The following NTM variants were observed in gnomAD, a reference collection of about 807,000 sequenced individuals.
NTM encodes the protein neurotrimin.
In NTM, 13 loss-of-function variants were observed where a neutral mutation model predicts 42.1. That is an observed-to-expected ratio of 0.31 (90% CI 0.20 to 0.49). The LOEUF (loss-of-function observed/expected upper bound fraction) is 0.49. Among genes scored for constraint, NTM ranks in the 20% least tolerant of loss-of-function variants. The pLI is 0.99. For synonymous variants in NTM, 187 were observed against 179.2 expected (o/e 1.04, Z -0.35); for missense variants, 373 against 452.8 (o/e 0.82, Z 1.60).
chr11:131,647,368 A>G (rs113003624), intron 1 of NTM, among the ~76,000 whole-genome samples: 64 of 152,324 alleles, frequency 4.2e-4, no homozygotes, highest in African/African-American at 1.5e-3. Context: ...GGAACAGTGC[A>G]TCTCTAACCT....
chr11:131,774,952 TC>T (rs2086729176), intron 1 of NTM, among the ~76,000 whole-genome samples: 1 of 152,200 alleles, frequency 6.6e-6, no homozygotes, highest in Non-Finnish European at 1.5e-5. Context: ...TGCAGTGGTT[TC>T]CCTAGGTTCA....
At chr11:131,413,430 C>G (rs1946625579) in intron 1 of NTM, among the ~76,000 whole-genome samples, 1 of 152,152 alleles carries the variant, frequency 6.6e-6, no homozygotes, top group South Asian at 2.1e-4. Context: ...AAGTTGCGAA[C>G]AGTGCTGATC....
intron 1 of NTM, among the ~76,000 whole-genome samples, chr11:131,604,598 T>C (rs2060768421): frequency 6.6e-6 from 1 of 152,020 alleles, no homozygotes; most frequent in Non-Finnish European, 1.5e-5. Context: ...AGCTATTTCA[T>C]AGCACAAGGT....
chr11:132,120,433 G>T (rs12222553), intron 2 of NTM, among the ~76,000 whole-genome samples: 2,731 of 152,290 alleles, frequency 0.018, 50 homozygotes, highest in South Asian at 0.1. Flanking sequence ...ACAGTGGCCT[G>T]AGACACTTTA....
chr11:131,392,540 G>C (rs563222900), intron 1 of NTM, among the ~76,000 whole-genome samples: 1 of 152,366 alleles, frequency 6.6e-6, no homozygotes, highest in East Asian at 1.9e-4. Flanking sequence ...GTAGGGGAGA[G>C]AGAAGAGCAA....
intron 6 of NTM, among the ~76,000 whole-genome samples, chr11:132,311,975 GTCTT>G (rs66704555): frequency 0.49 from 74,567 of 151,582 alleles, 19,688 homozygotes; most frequent in African/African-American, 0.69. Context: ...CTTTGTTTCT[GTCTT>G]TCTTTCAGTT....
intron 1 of NTM, among the ~76,000 whole-genome samples, chr11:131,379,645 A>T (rs1439988781): frequency 6.6e-6 from 1 of 152,230 alleles, no homozygotes; most frequent in Non-Finnish European, 1.5e-5. Flanking sequence ...TGCCTTGTAC[A>T]TAGGAAGCTC....
rs1017960928 is a variant in NTM at position 131,658,926 on chromosome 11, C to T, written c.83-252638C>T. Among the ~76,000 whole-genome samples the T allele has an allele frequency of 4.6e-5, 7 of 152,050 alleles. No homozygotes were observed. In the East Asian group the frequency reaches 5.8e-4, roughly 13 times the overall value. On this transcript the variant is annotated intron_variant, in intron 1 of 8. Transcript: ENST00000683400. Reference sequence around the variant, plus strand: ...TCAGAGGTTGGCAGTGAGCTGATATCGCGCCACTGCTCTCCAGCCTGGGTG... The same window carrying T: ...TCAGAGGTTGGCAGTGAGCTGATATTGCGCCACTGCTCTCCAGCCTGGGTG...
intron 2 of NTM, among the ~76,000 whole-genome samples, chr11:132,041,231 T>TAGAGAG (rs10598969): frequency 2.7e-4 from 40 of 145,570 alleles, no homozygotes; most frequent in Non-Finnish European, 3.9e-4. Flanking sequence ...GAGAGATAGA[T>TAGAGAG]AGAGAGAGAG....
chr11:131,821,300 G>C (rs917334390), intron 1 of NTM, among the ~76,000 whole-genome samples: 8 of 152,148 alleles, frequency 5.3e-5, no homozygotes, highest in African/African-American at 1.9e-4. Flanking sequence ...TGAGCCATTG[G>C]CAGGTGAGAT....
intron 2 of NTM, among the ~76,000 whole-genome samples, chr11:132,099,672 C>G (rs2061410500): frequency 6.6e-6 from 1 of 152,148 alleles, no homozygotes; most frequent in Non-Finnish European, 1.5e-5. Context: ...CAGGACAGCT[C>G]CGAGAAGAAA....
chr11:131,634,868 A>C (rs1267520338), intron 1 of NTM, among the ~76,000 whole-genome samples: 1 of 152,202 alleles, frequency 6.6e-6, no homozygotes, highest in African/African-American at 2.4e-5. Flanking sequence ...CTTTGTATAT[A>C]ATTGGTATTC....
At chr11:132,114,719 T>C (rs2063656068) in intron 2 of NTM, among the ~76,000 whole-genome samples, 1 of 152,218 alleles carries the variant, frequency 6.6e-6, no homozygotes, top group Non-Finnish European at 1.5e-5. Context: ...AAGTTTAGCC[T>C]CTTTAAGATG....
intron 2 of NTM, among the ~76,000 whole-genome samples, chr11:132,040,350 T>A (rs2077026806): frequency 6.6e-6 from 1 of 152,050 alleles, no homozygotes; most frequent in Non-Finnish European, 1.5e-5. Flanking sequence ...AGAATGGAGG[T>A]AAAGTGGGAA....
At chr11:131,375,939 G>T (rs1202254675) in intron 1 of NTM, among the ~76,000 whole-genome samples, 4 of 151,796 alleles carry the variant, frequency 2.6e-5, no homozygotes, top group Admixed American at 6.6e-5. Flanking sequence ...CTCTCCTTCT[G>T]CCCACTCCCC....
chr11:131,751,424 A>G (rs1362978547), intron 1 of NTM, among the ~76,000 whole-genome samples: 1 of 152,082 alleles, frequency 6.6e-6, no homozygotes, highest in African/African-American at 2.4e-5. Context: ...CCCCGTCTCC[A>G]TTAAAAATAC....
At chr11:132,111,290 TA>T (rs1320043874) in intron 2 of NTM, among the ~76,000 whole-genome samples, 4 of 151,318 alleles carry the variant, frequency 2.6e-5, no homozygotes. Context: ...TAAATATATG[TA>T]TTTTTTATAT....
intron 1 of NTM, among the ~76,000 whole-genome samples, chr11:131,597,325 CTCTG>C (rs2059900025): frequency 6.6e-6 from 1 of 152,092 alleles, no homozygotes. Context: ...GCTTCTGTCT[CTCTG>C]TCTCTCTCTG....
rs111494141 is a variant in NTM, at chr11:131,381,326, T to C, written c.82+10438T>C. On this transcript the variant is annotated intron_variant, in intron 1 of 8. Coordinates refer to ENST00000683400, the MANE Select transcript of NTM (RefSeq NM_001352005.2). ...AGCTGTCCACTAGAGTACTTGACTT[T>C]CTTCCTGAACAGTCAAGAGGAAACT... is the stretch of plus-strand genomic sequence containing the variant. 2.0e-3 allele frequency among the ~76,000 whole-genome samples: 311 copies of C among 152,350 alleles called. 4 individuals carry two copies. The highest frequency in any genetic ancestry group is 7.1e-3 in the African/African-American group (294 of 41,584).
Sources: allele counts gnomAD v4.1 joint callset (sites outside exome capture counted in the v4.1 genomes callset), GRCh38; gene constraint gnomAD v4.1.1; transcripts MANE v1.5; gene names NCBI Gene and HGNC (gene_info 2026-07-23, HGNC 2026-07-21).